SOX5: variants seen among roughly 807,000 people sequenced by gnomAD.
The protein encoded by SOX5 is SRY-box transcription factor 5, also known as transcription factor SOX-5.
Under a neutral mutation model 92.0 loss-of-function variants are expected in SOX5, and 9 were observed. That is an observed-to-expected ratio of 0.10 (90% CI 0.06 to 0.17). The LOEUF is 0.17. Ranked by LOEUF, SOX5 falls within the 10% of genes least tolerant of loss-of-function variation. The pLI, the probability that SOX5 is intolerant of heterozygous loss-of-function variation, is 1.00. For missense variants in SOX5, 642 were observed against 944.5 expected (o/e 0.68, Z 4.20); for synonymous variants, 344 against 336.3 (o/e 1.02, Z -0.25).
At chr12:24,206,901 C>T (rs1443513607) in intron 4 of SOX5, among the ~76,000 whole-genome samples, 1 of 152,208 alleles carries the variant, frequency 6.6e-6, no homozygotes, top group African/African-American at 2.4e-5. Flanking sequence ...TGCTAAGATC[C>T]TCCCATCCTT....
At chr12:23,685,636 C>G (rs558973335) in intron 6 of SOX5, among the ~76,000 whole-genome samples, 11 of 148,636 alleles carry the variant, frequency 7.4e-5, no homozygotes, top group Middle Eastern at 3.4e-3. Context: ...TGTCCCCCCC[C>G]CCAAAAATCT....
chr12:24,263,102 T>C (rs1433463360), intron 3 of SOX5, among the ~76,000 whole-genome samples: 2 of 151,970 alleles, frequency 1.3e-5, no homozygotes, highest in Non-Finnish European at 2.9e-5. Context: ...GGCGGGTGCC[T>C]GTAGCCCCAG....
chr12:23,580,412 A>G (rs961035871), intron 9 of SOX5, among the ~76,000 whole-genome samples: 3 of 152,050 alleles, frequency 2.0e-5, no homozygotes, highest in Non-Finnish European at 4.4e-5. Flanking sequence ...GCTATTCTAT[A>G]CATTAAAAAG....
intron 7 of SOX5, among the ~76,000 whole-genome samples, chr12:23,641,190 A>C (rs2080013092): frequency 6.6e-6 from 1 of 151,932 alleles, no homozygotes; most frequent in Non-Finnish European, 1.5e-5. Flanking sequence ...TTGATAACAC[A>C]CACGCGCGTG....
At chr12:24,080,859 A>G (rs1232523032) in intron 4 of SOX5, among the ~76,000 whole-genome samples, 1 of 151,946 alleles carries the variant, frequency 6.6e-6, no homozygotes, top group Non-Finnish European at 1.5e-5. Context: ...TATGATTTTA[A>G]TACATCTCAT....
chr12:23,689,698 T>C lies in SOX5; in HGVS notation c.811-24134A>G, dbSNP rs16926611. Reference sequence around the variant, plus strand: ...ATCTGCTGTTTGAGCTTTGTCATGATACGAAGATGAGGAAAATGTAGAAAA... The same window carrying C: ...ATCTGCTGTTTGAGCTTTGTCATGACACGAAGATGAGGAAAATGTAGAAAA... On this transcript the variant is annotated intron_variant, in intron 6 of 14. Coordinates refer to ENST00000451604, the MANE Select transcript of SOX5 (RefSeq NM_006940.6). Among the ~76,000 whole-genome samples, 553 of 152,114 alleles carry C rather than the reference T, an allele frequency of 3.6e-3. 5 individuals are homozygous for C. Among genetic ancestry groups the C allele is most frequent in the African/African-American group, 0.013 (526 of 41,506 alleles).
chr12:24,183,203 A>G (rs1955684144), intron 4 of SOX5, among the ~76,000 whole-genome samples: 1 of 152,202 alleles, frequency 6.6e-6, no homozygotes, highest in Non-Finnish European at 1.5e-5. Flanking sequence ...TGTTTAGGCA[A>G]TCTTTTTAAG....
At chr12:24,000,202 G>T (rs1418129592) in intron 4 of SOX5, among the ~76,000 whole-genome samples, 1 of 151,510 alleles carries the variant, frequency 6.6e-6, no homozygotes, top group Non-Finnish European at 1.5e-5. Context: ...AAGAAAATTA[G>T]AACAGATAAG....
At chr12:24,004,648 C>A (rs1000077335) in intron 4 of SOX5, among the ~76,000 whole-genome samples, 2 of 152,070 alleles carry the variant, frequency 1.3e-5, no homozygotes, top group African/African-American at 4.8e-5. Flanking sequence ...GGGAAACCAG[C>A]GCCTGCATAT....
At chr12:24,249,628 A>G (rs766659039) in intron 3 of SOX5, among the ~76,000 whole-genome samples, 1 of 152,192 alleles carries the variant, frequency 6.6e-6, no homozygotes, top group African/African-American at 2.4e-5. Context: ...GCAAGTTCAC[A>G]TACGTTGCCT....
At chr12:23,665,322 C>T (rs1352221063) in intron 7 of SOX5, 122 bp downstream of exon 7, 2 of 1,075,508 alleles carry the variant, frequency 1.9e-6, no homozygotes, top group African/African-American at 1.6e-5. Flanking sequence ...CTGTGTGTTT[C>T]CTCTTTAAAA....
At chr12:24,251,121 A>T (rs1393168989) in intron 3 of SOX5, among the ~76,000 whole-genome samples, 3 of 152,262 alleles carry the variant, frequency 2.0e-5, no homozygotes, top group African/African-American at 7.2e-5. Context: ...GCTGAGACTA[A>T]CAAAAAAACT....
chr12:24,510,274 A>T (rs1040273561), intron 1 of SOX5, among the ~76,000 whole-genome samples: 1 of 146,322 alleles, frequency 6.8e-6, no homozygotes, highest in Admixed American at 6.9e-5. Flanking sequence ...CTGTAGATAC[A>T]AAAAAAATGA....
intron 4 of SOX5, among the ~76,000 whole-genome samples, chr12:24,083,181 A>G (rs12297668): frequency 0.019 from 2,902 of 152,158 alleles, 100 homozygotes; most frequent in African/African-American, 0.066. Flanking sequence ...GTTATACAAT[A>G]CAATTTTTAT....
At chr12:23,999,783 C>T (rs1951420511) in intron 4 of SOX5, among the ~76,000 whole-genome samples, 4 of 151,852 alleles carry the variant, frequency 2.6e-5, no homozygotes, top group South Asian at 2.1e-4. Flanking sequence ...CAAAGCTATC[C>T]TTCAAAAAAT....
intron 4 of SOX5, among the ~76,000 whole-genome samples, chr12:24,088,108 G>A (rs928373636): frequency 3.9e-5 from 6 of 151,952 alleles, no homozygotes; most frequent in Admixed American, 3.9e-4. Flanking sequence ...CTAAGAGAAA[G>A]TATAGATATG....
intron 8 of SOX5, among the ~76,000 whole-genome samples, chr12:23,616,819 G>C (rs919280289): frequency 6.6e-6 from 1 of 152,034 alleles, no homozygotes; most frequent in Non-Finnish European, 1.5e-5. Flanking sequence ...AGAGTTAGTT[G>C]GTATCACCAG....
chr12:23,978,768 A>G (rs908894495), intron 4 of SOX5, among the ~76,000 whole-genome samples: 3 of 152,174 alleles, frequency 2.0e-5, no homozygotes, highest in African/African-American at 7.2e-5. Context: ...ACAGAAAGTT[A>G]CTTAATACCT....
At position 23,879,862 on chromosome 12, in the gene SOX5, A is replaced by G. The variant is rs905467865; in HGVS notation, c.270+15931T>C. Among the ~76,000 whole-genome samples the G allele has an allele frequency of 4.6e-5, 7 of 152,328 alleles. No individual in the cohort carries two copies. The South Asian group carries it at 6.2e-4, about 14-fold the overall frequency. ...GAATCTATGGCTCAAAAAGTGGGTTAAAAGGATGCCATAGGAAGAGTTTTA... is the reference window on the plus strand; with the variant it reads ...GAATCTATGGCTCAAAAAGTGGGTTGAAAGGATGCCATAGGAAGAGTTTTA... On this transcript the variant is annotated intron_variant, in intron 2 of 14. Transcript: ENST00000451604.
Sources: allele counts gnomAD v4.1 joint callset (sites outside exome capture counted in the v4.1 genomes callset), GRCh38; gene constraint gnomAD v4.1.1; transcripts MANE v1.5; gene names NCBI Gene and HGNC (gene_info 2026-07-23, HGNC 2026-07-21).